Variants in COL5A2 observed in about 807,000 individuals in gnomAD.
COL5A2 encodes collagen type V alpha 2 chain.
Under a neutral mutation model 208.2 loss-of-function variants are expected in COL5A2, and 23 were observed. That is an observed-to-expected ratio of 0.11 (90% CI 0.08 to 0.16). The LOEUF (loss-of-function observed/expected upper bound fraction) is 0.16, where lower values mean the gene tolerates loss of function less well. Among genes scored for constraint, COL5A2 ranks in the 10% least tolerant of loss-of-function variants. The pLI is 1.00. For synonymous variants in COL5A2, 625 were observed against 628.5 expected (o/e 0.99, Z 0.08); for missense variants, 1,590 against 1,956.4 (o/e 0.81, Z 3.53).
At chr2:189,104,846 G>T (rs1250316995) in intron 2 of COL5A2, among the ~76,000 whole-genome samples, 1 of 151,546 alleles carries the variant, frequency 6.6e-6, no homozygotes, top group Non-Finnish European at 1.5e-5. Context: ...TTCTTCACTT[G>T]TCTGTATATC....
the COL5A2 span, among the ~76,000 whole-genome samples, chr2:189,291,462 AT>A: frequency 6.6e-6 from 1 of 152,046 alleles, no homozygotes; most frequent in Non-Finnish European, 1.5e-5. Flanking sequence ...ACTCATTTTC[AT>A]TTTTTTGGTT....
chr2:189,325,029 A>G, the COL5A2 span, among the ~76,000 whole-genome samples: 1 of 152,256 alleles, frequency 6.6e-6, no homozygotes, highest in South Asian at 2.1e-4. Flanking sequence ...GACATGGATG[A>G]AGTTGGAAAC....
At chr2:189,278,747 C>T in the COL5A2 span, among the ~76,000 whole-genome samples, 1 of 151,712 alleles carries the variant, frequency 6.6e-6, no homozygotes, top group Non-Finnish European at 1.5e-5. Context: ...TTCTTTTGTT[C>T]TCCATATCAC....
intron 53 of COL5A2, 30 bp downstream of exon 53, chr2:189,034,886 C>A (rs1228492344): frequency 1.2e-6 from 2 of 1,613,342 alleles, no homozygotes; most frequent in African/African-American, 2.7e-5. Flanking sequence ...TTTTCCTCAA[C>A]CAGATCAATG....
the COL5A2 span, among the ~76,000 whole-genome samples, chr2:189,276,374 T>C: frequency 6.6e-6 from 1 of 152,238 alleles, no homozygotes; most frequent in South Asian, 2.1e-4. Flanking sequence ...TAATACTTAC[T>C]GGATTACATG....
intron 5 of COL5A2, 129 bp from the exon 6 acceptor site, chr2:189,097,459 T>C: frequency 2.1e-6 from 2 of 956,114 alleles, no homozygotes; most frequent in African/African-American, 1.6e-5. Context: ...TTGAAGACTA[T>C]AGAGAATAAA....
chr2:189,084,662 A>G (rs1686611364), intron 11 of COL5A2, among the ~76,000 whole-genome samples: 1 of 152,188 alleles, frequency 6.6e-6, no homozygotes, highest in South Asian at 2.1e-4. Flanking sequence ...CTCTGATTAC[A>G]TGTTCTTAAT....
At chr2:189,136,897 C>A (rs1452312205) in intron 1 of COL5A2, among the ~76,000 whole-genome samples, 1 of 152,122 alleles carries the variant, frequency 6.6e-6, no homozygotes, top group East Asian at 1.9e-4. Context: ...CTTTCAGCTA[C>A]TTACAATCTG....
chr2:189,083,712 A>C (rs1219216023), intron 12 of COL5A2, among the ~76,000 whole-genome samples: 1 of 151,912 alleles, frequency 6.6e-6, no homozygotes, highest in African/African-American at 2.4e-5. Flanking sequence ...TTTTCTGAGG[A>C]TTTGAAACTC....
At chr2:189,153,688 G>A (rs1267406981) in intron 1 of COL5A2, among the ~76,000 whole-genome samples, 1 of 151,890 alleles carries the variant, frequency 6.6e-6, no homozygotes, top group Non-Finnish European at 1.5e-5. Flanking sequence ...TGTTCTCTTG[G>A]CTCAACTATC....
At chr2:189,265,018 A>G in the COL5A2 span, among the ~76,000 whole-genome samples, 1 of 152,208 alleles carries the variant, frequency 6.6e-6, no homozygotes, top group Non-Finnish European at 1.5e-5. Flanking sequence ...GAGCAGGCAG[A>G]GAGCCTCTTC....
At chr2:189,275,979 T>C in the COL5A2 span, among the ~76,000 whole-genome samples, 80 of 152,320 alleles carry the variant, frequency 5.3e-4, no homozygotes, top group African/African-American at 1.8e-3. Context: ...TTTTCAATTG[T>C]TTATAACAAC....
At chr2:189,417,415 G>C in the COL5A2 span, among the ~76,000 whole-genome samples, 1 of 142,484 alleles carries the variant, frequency 7.0e-6, no homozygotes, top group Non-Finnish European at 1.5e-5. Flanking sequence ...TTGATTTCTG[G>C]TAAGTTAAGT....
chr2:189,434,453 C>T, the COL5A2 span, among the ~76,000 whole-genome samples: 1 of 152,174 alleles, frequency 6.6e-6, no homozygotes, highest in Non-Finnish European at 1.5e-5. Context: ...CCCAAAATCT[C>T]CTTAAGCTGA....
At chr2:189,040,632 C>T (rs1685540656) in intron 50 of COL5A2, among the ~76,000 whole-genome samples, 1 of 152,134 alleles carries the variant, frequency 6.6e-6, no homozygotes, top group African/African-American at 2.4e-5. Context: ...GCCAATGTTT[C>T]CTCACTCTCA....
chr2:189,385,367 C>T, the COL5A2 span, among the ~76,000 whole-genome samples: 1 of 151,958 alleles, frequency 6.6e-6, no homozygotes, highest in Non-Finnish European at 1.5e-5. Context: ...GAATACAATC[C>T]TATTTATAAA....
intron 1 of COL5A2, among the ~76,000 whole-genome samples, chr2:189,217,688 T>C (rs1047639597): frequency 6.6e-6 from 1 of 152,110 alleles, no homozygotes; most frequent in Non-Finnish European, 1.5e-5. Context: ...CAAAAGGGAA[T>C]TGCAATGTCA....
chr2:189,119,059 T>G (rs116153213), intron 1 of COL5A2, among the ~76,000 whole-genome samples: 4,070 of 152,214 alleles, frequency 0.027, 73 homozygotes, highest in Admixed American at 0.043. Flanking sequence ...ATTGCATGTT[T>G]AAGATCAAAA....
the COL5A2 span, among the ~76,000 whole-genome samples, chr2:189,251,080 T>C: frequency 1.2e-4 from 19 of 152,108 alleles, no homozygotes; most frequent in Non-Finnish European, 2.6e-4. Flanking sequence ...CTTGTGAGGA[T>C]TACATGTGAG....
Sources: gnomAD v4.1 joint callset for allele counts (sites outside exome capture counted in the v4.1 genomes callset) on GRCh38, gnomAD v4.1.1 for gene constraint, MANE v1.5 for transcripts, NCBI Gene and HGNC (gene_info 2026-07-23, HGNC 2026-07-21) for gene names.